TYRO3: variants seen among roughly 807,000 people sequenced by gnomAD.
TYRO3 encodes the protein tyrosine-protein kinase receptor TYRO3.
TYRO3 carries 38 observed loss-of-function variants against 95.2 expected under a neutral mutation model. That is an observed-to-expected ratio of 0.40 (90% CI 0.31 to 0.52). The LOEUF (loss-of-function observed/expected upper bound fraction) is 0.52, where lower values mean the gene tolerates loss of function less well. Among genes scored for constraint, TYRO3 ranks in the 20% least tolerant of loss-of-function variants. TYRO3 has a pLI of 0.56. For synonymous variants in TYRO3, 367 were observed against 432.9 expected (o/e 0.85, Z 1.89); for missense variants, 812 against 1,116.4 (o/e 0.73, Z 3.89).
intron 6 of TYRO3, among the ~76,000 whole-genome samples, 176 bp downstream of exon 6, chr15:41,565,317 C>T (rs1047316173): frequency 2.0e-5 from 3 of 152,166 alleles, no homozygotes; most frequent in African/African-American, 7.2e-5. Context: ...GCTCTGGCAA[C>T]TAAGTGACTT....
At chr15:41,574,916 G>A (rs2055842528) in intron 18 of TYRO3, among the ~76,000 whole-genome samples, 2 of 152,068 alleles carry the variant, frequency 1.3e-5, no homozygotes, top group South Asian at 2.1e-4. Context: ...ACAGGGCTCC[G>A]CCATATTTGT....
chr15:41,565,608 A>G (rs1218575415), intron 6 of TYRO3, among the ~76,000 whole-genome samples: 2 of 104,706 alleles, frequency 1.9e-5, no homozygotes, highest in African/African-American at 4.0e-5. Flanking sequence ...TTGTATTTTT[A>G]GTAGAGACTA....
intron 18 of TYRO3, among the ~76,000 whole-genome samples, chr15:41,576,005 G>A (rs1374861479): frequency 6.7e-6 from 1 of 149,558 alleles, no homozygotes; most frequent in Non-Finnish European, 1.5e-5. Flanking sequence ...TTGGGAAGCT[G>A]AGGCAGGAGA....
chr15:41,570,240 G>C lies in TYRO3; in HGVS notation c.1383G>C (p.Gly461=). Residue 461 remains glycine (G), a splice_region_variant and synonymous_variant, in exon 11 of 19, where the codon GGG becomes GGC. Coordinates refer to ENST00000263798, the MANE Select transcript of TYRO3 (RefSeq NM_006293.4). Reference sequence around the variant, plus strand: ...CCCCAAATCCTGGGTTTTCCTTTAGGCAAGCCTTTGACAGTGTCATGGCCC... The same window carrying C: ...CCCCAAATCCTGGGTTTTCCTTTAGCCAAGCCTTTGACAGTGTCATGGCCC... ...LRKRRKETRF[G]QAFDSVMARG... 6.2e-7 allele frequency: 1 copy of C among 1,605,924 alleles called. No homozygotes were observed.
intron 9 of TYRO3, 62 bp downstream of exon 9, chr15:41,569,084 A>G (rs1220885647): frequency 1.5e-5 from 24 of 1,590,312 alleles, no homozygotes; most frequent in East Asian, 2.2e-5. Context: ...AGGGCAACCT[A>G]GACTGATGGG....
Position 41,578,112 on chromosome 15 carries a change from A to G in TYRO3, c.2509A>G (p.Met837Val), listed in dbSNP as rs1187582333. The G allele has an allele frequency of 6.2e-7, 1 of 1,613,876 alleles. No individual in the cohort carries two copies. The highest frequency in any genetic ancestry group is 2.2e-5 in the East Asian group (1 of 44,864). The change falls in exon 19 of 19, where the codon ATG becomes GTG. Residue 837 changes from methionine (M) to valine (V), a missense_variant. Transcript: ENST00000263798. ...CAGTGGGGCTGGGGATGGCAGTGGC[A>G]TGGGGGCAGTGGGTGGCACTCCCAG... ...PYSGAGDGSG[M>V]GAVGGTPSDC...
chr15:41,565,983 C>T (rs1479475468), intron 6 of TYRO3, among the ~76,000 whole-genome samples: 1 of 152,140 alleles, frequency 6.6e-6, no homozygotes, highest in African/African-American at 2.4e-5. Flanking sequence ...TTCCCCTGGG[C>T]AGGAGGGGCC....
At chr15:41,567,831 AAAG>A (rs1338453567) in intron 7 of TYRO3, among the ~76,000 whole-genome samples, 2 of 152,228 alleles carry the variant, frequency 1.3e-5, no homozygotes, top group Admixed American at 6.5e-5. Context: ...TCTGAACGAT[AAAG>A]AAGAAGCCAT....
At chr15:41,576,645 CTTTTTT>C (rs971951671) in intron 18 of TYRO3, among the ~76,000 whole-genome samples, 114 of 101,082 alleles carry the variant, frequency 1.1e-3, no homozygotes, top group African/African-American at 4.0e-3. Flanking sequence ...AGTAGGTTTC[CTTTTTT>C]TTTTTTTTTT....
intron 13 of TYRO3, 112 bp from the exon 14 acceptor site, chr15:41,571,483 C>A (rs1181218042): frequency 1.3e-6 from 1 of 766,814 alleles, no homozygotes; most frequent in Non-Finnish European, 2.3e-6. Context: ...TGGGCTGTTT[C>A]CTGGGCTCCC....
chr15:41,573,210 T>TG, intron 16 of TYRO3, 98 bp from the exon 17 acceptor site: 1 of 1,401,204 alleles, frequency 7.1e-7, no homozygotes, highest in Non-Finnish European at 9.7e-7. Flanking sequence ...CTGCTATGCA[T>TG]GGGGGTAGCT....
At chr15:41,559,795 C>T (rs11632216) in intron 1 of TYRO3, among the ~76,000 whole-genome samples, 118 of 152,246 alleles carry the variant, frequency 7.8e-4, no homozygotes, top group Admixed American at 1.2e-3. Context: ...CAAAGGCCAC[C>T]CTGATACCAT....
chr15:41,576,713 G>C (rs561849224), intron 18 of TYRO3, among the ~76,000 whole-genome samples: 2 of 148,474 alleles, frequency 1.3e-5, no homozygotes, highest in Non-Finnish European at 3.0e-5. Flanking sequence ...AGCCAGGCTG[G>C]AGTGCAGTAA....
At chr15:41,564,143 G>T in intron 4 of TYRO3, 41 bp from the exon 5 acceptor site, 1 of 1,570,450 alleles carries the variant, frequency 6.4e-7, no homozygotes, top group South Asian at 1.1e-5. Context: ...CACTGAGTGG[G>T]GTTGCTGCTT....
intron 1 of TYRO3, among the ~76,000 whole-genome samples, chr15:41,559,923 G>A (rs2052141978): frequency 1.3e-5 from 2 of 152,252 alleles, no homozygotes; most frequent in South Asian, 2.1e-4. Flanking sequence ...GCTGGTGCCA[G>A]GTTGCTGGTC....
chr15:41,566,320 TAAAAAAA>T (rs57924730), intron 6 of TYRO3, among the ~76,000 whole-genome samples: 5 of 40,952 alleles, frequency 1.2e-4, no homozygotes, highest in South Asian at 1.4e-3. Context: ...CTGTCTCTAT[TAAAAAAA>T]AAAAAAAAAA....
chr15:41,576,669 T>TAAAAAA (rs1296839035), intron 18 of TYRO3, among the ~76,000 whole-genome samples: 1 of 83,638 alleles, frequency 1.2e-5, no homozygotes, highest in Non-Finnish European at 2.3e-5. Context: ...TTTTTTTTTT[T>TAAAAAA]AAAAAAAAAA....
chr15:41,564,276 A>T lies in TYRO3; in HGVS notation c.667+6A>T. ...AGCCACTGTTCACCTTCAAGGTAGG[A>T]GGGCTGGCAGGGAGGAAGGGTGGAT... On this transcript the variant is annotated splice_donor_region_variant and intron_variant, in intron 5 of 18. Transcript: ENST00000263798. 1 of 1,350,262 alleles carries T rather than the reference A, an allele frequency of 7.4e-7. No homozygotes were observed. Among genetic ancestry groups the T allele is most frequent in the South Asian group, 1.2e-5 (1 of 86,670 alleles). The allele number at this position is 1,350,262 out of a possible 1,614,324, so 83.6% of individuals were successfully genotyped here.
rs2140840804 is a variant in TYRO3, at chr15:41,581,548, T to TG, written c.*3277dup. On this transcript the variant is annotated 3_prime_UTR_variant, in exon 19 of 19. Coordinates refer to ENST00000263798, the MANE Select transcript of TYRO3 (RefSeq NM_006293.4). ...GATTGAAAAGACCTTCACTATCGGT[T>TG]GGGGGCGGTGGCTGATGCCTGTAAT... The TG allele has an allele frequency of 6.6e-6, 1 of 152,014 alleles. No individual in the cohort carries two copies. Among genetic ancestry groups the TG allele is most frequent in the East Asian group, 1.9e-4 (1 of 5,154 alleles). The allele number at this position is 152,014 out of a possible 1,614,324, so 9.4% of individuals were successfully genotyped here.
Sources: gnomAD v4.1 joint callset for allele counts (sites outside exome capture counted in the v4.1 genomes callset) on GRCh38, gnomAD v4.1.1 for gene constraint, MANE v1.5 for transcripts, NCBI Gene and HGNC (gene_info 2026-07-23, HGNC 2026-07-21) for gene names.